ELAVL2: variants seen among roughly 807,000 people sequenced by gnomAD.
The protein encoded by ELAVL2 is ELAV like RNA binding protein 2, also known as ELAV-like protein 2.
A neutral mutation model predicts 34.6 loss-of-function variants in ELAVL2; 4 were observed. The ratio of observed to expected loss-of-function variants is 0.12; its 90% CI spans 0.06 to 0.26. The LOEUF is 0.26. Among genes scored for constraint, ELAVL2 ranks in the 10% least tolerant of loss-of-function variants. The pLI is 1.00. For missense variants in ELAVL2, 432 were observed against 442.8 expected (o/e 0.98, Z 0.22); for synonymous variants, 193 against 154.8 (o/e 1.25, Z -1.83).
At chr9:23,800,125 T>C (rs1266673817) in intron 1 of ELAVL2, among the ~76,000 whole-genome samples, 1 of 152,108 alleles carries the variant, frequency 6.6e-6, no homozygotes, top group African/African-American at 2.4e-5. Context: ...AATTCAAAAA[T>C]GAGAAAAGAA....
At chr9:23,819,877 A>G (rs2064286587) in intron 1 of ELAVL2, among the ~76,000 whole-genome samples, 2 of 152,034 alleles carry the variant, frequency 1.3e-5, no homozygotes, top group Admixed American at 6.6e-5. Flanking sequence ...CTCTCCCCAT[A>G]GTTTGCAAGC....
intron 2 of ELAVL2, 73 bp from the exon 3 acceptor site, chr9:23,731,198 A>G (rs1352815696): frequency 2.2e-6 from 3 of 1,363,016 alleles, no homozygotes; most frequent in Non-Finnish European, 3.0e-6. Context: ...TCATTTTGGC[A>G]TATGGTCTTG....
intron 4 of ELAVL2, among the ~76,000 whole-genome samples, chr9:23,704,201 G>A (rs2038521810): frequency 6.7e-6 from 1 of 148,614 alleles, no homozygotes; most frequent in South Asian, 2.3e-4. Flanking sequence ...CAAAGTGCTT[G>A]GATTATAGGC....
the ELAVL2 span, among the ~76,000 whole-genome samples, chr9:23,839,743 C>G: frequency 6.6e-6 from 1 of 152,092 alleles, no homozygotes; most frequent in South Asian, 2.1e-4. Context: ...CCTTGAGTTT[C>G]TGAATTAAAA....
At chr9:23,774,444 C>T in intron 1 of ELAVL2, among the ~76,000 whole-genome samples, 1 of 152,052 alleles carries the variant, frequency 6.6e-6, no homozygotes, top group South Asian at 2.1e-4. Context: ...ACTGCTGAAG[C>T]AGATGCTATG....
chr9:23,715,793 T>G (rs188427205), intron 3 of ELAVL2, among the ~76,000 whole-genome samples: 4 of 152,234 alleles, frequency 2.6e-5, no homozygotes, highest in Admixed American at 2.6e-4. Context: ...TGAGTTAGAA[T>G]GTTAAACTAA....
intron 3 of ELAVL2, among the ~76,000 whole-genome samples, chr9:23,719,665 G>C (rs1369555887): frequency 6.6e-6 from 1 of 152,044 alleles, no homozygotes; most frequent in Non-Finnish European, 1.5e-5. Flanking sequence ...AAAAATTATA[G>C]CATAAAATGT....
At position 23,813,286 on chromosome 9, in the gene ELAVL2, C is replaced by T. The variant is rs372388288; in HGVS notation, c.-16+12520G>A. Among the ~76,000 whole-genome samples, 4 of 151,998 alleles carry T rather than the reference C, an allele frequency of 2.6e-5. No individual in the cohort carries two copies. In the East Asian group the frequency reaches 7.7e-4, roughly 29 times the overall value. On this transcript the variant is annotated intron_variant, in intron 1 of 6. Coordinates refer to ENST00000397312, the MANE Select transcript of ELAVL2 (RefSeq NM_004432.5). ...GCTCTACGGCACACATAGGAGAGGGCCTTGCTAAGGCTGCCCTGCTGCTTC... is the reference window on the plus strand; with the variant it reads ...GCTCTACGGCACACATAGGAGAGGGTCTTGCTAAGGCTGCCCTGCTGCTTC...
intron 3 of ELAVL2, among the ~76,000 whole-genome samples, chr9:23,716,962 G>C (rs1040462810): frequency 6.6e-6 from 1 of 152,138 alleles, no homozygotes; most frequent in African/African-American, 2.4e-5. Context: ...TATGAGCAGA[G>C]GAATGACAAT....
chr9:23,822,892 T>A (rs1286243781), intron 1 of ELAVL2, among the ~76,000 whole-genome samples: 1 of 152,108 alleles, frequency 6.6e-6, no homozygotes, highest in East Asian at 1.9e-4. Context: ...GCTAAGGGCG[T>A]CCAGCGCTCC....
At chr9:23,842,397 T>C in the ELAVL2 span, among the ~76,000 whole-genome samples, 1 of 152,108 alleles carries the variant, frequency 6.6e-6, no homozygotes, top group African/African-American at 2.4e-5. Context: ...AGAGCCACTG[T>C]TGCCCAAATG....
the ELAVL2 span, among the ~76,000 whole-genome samples, chr9:23,848,166 G>C: frequency 6.6e-6 from 1 of 152,006 alleles, no homozygotes; most frequent in African/African-American, 2.4e-5. Flanking sequence ...TGTTAGTATA[G>C]TTCAGGATTA....
At chr9:23,830,865 A>G (rs1227796231), upstream of ELAVL2, among the ~76,000 whole-genome samples, 2 of 152,040 alleles carry the variant, frequency 1.3e-5, no homozygotes, top group East Asian at 3.9e-4. Flanking sequence ...CCTGAGCATA[A>G]AAAGGGAAAA....
intron 3 of ELAVL2, among the ~76,000 whole-genome samples, chr9:23,714,773 C>A (rs780495390): frequency 6.6e-6 from 1 of 152,004 alleles, no homozygotes; most frequent in Non-Finnish European, 1.5e-5. Context: ...ACCATGCAAT[C>A]GGCCACCTGA....
intron 2 of ELAVL2, among the ~76,000 whole-genome samples, chr9:23,739,408 GACAGTTCAAA>G (rs2048627530): frequency 6.6e-6 from 1 of 152,130 alleles, no homozygotes; most frequent in East Asian, 1.9e-4. Context: ...AGTCATACCT[GACAGTTCAAA>G]AAAGGTTAGG....
intron 1 of ELAVL2, among the ~76,000 whole-genome samples, chr9:23,812,743 C>T (rs890270613): frequency 4.2e-5 from 6 of 141,924 alleles, no homozygotes; most frequent in African/African-American, 1.0e-4. Flanking sequence ...ACTAACACTC[C>T]AAATATCAAA....
chr9:23,802,006 T>C (rs1489674414), intron 1 of ELAVL2, among the ~76,000 whole-genome samples: 12 of 152,300 alleles, frequency 7.9e-5, no homozygotes, highest in Admixed American at 5.2e-4. Flanking sequence ...CAGTGGAAGA[T>C]TGTTTATCTG....
intron 1 of ELAVL2, among the ~76,000 whole-genome samples, chr9:23,787,851 A>G (rs963346903): frequency 9.2e-5 from 14 of 152,192 alleles, no homozygotes; most frequent in Admixed American, 4.6e-4. Context: ...AGTGCCAAAC[A>G]AACAAGAGTC....
chr9:23,816,717 T>C (rs1384753978), intron 1 of ELAVL2, among the ~76,000 whole-genome samples: 3 of 152,094 alleles, frequency 2.0e-5, no homozygotes, highest in Non-Finnish European at 4.4e-5. Context: ...ACTCTCTCGA[T>C]ATAGGGCAAT....
Sources: gnomAD v4.1 joint callset for allele counts (sites outside exome capture counted in the v4.1 genomes callset) on GRCh38, gnomAD v4.1.1 for gene constraint, MANE v1.5 for transcripts, NCBI Gene and HGNC (gene_info 2026-07-23, HGNC 2026-07-21) for gene names.